Variants in SH3PXD2A observed in about 807,000 individuals in gnomAD.
SH3PXD2A encodes SH3 and PX domain-containing protein 2A.
Under a neutral mutation model 115.2 loss-of-function variants are expected in SH3PXD2A, and 32 were observed. The observed-to-expected ratio is 0.28, with a 90% CI of 0.21 to 0.37. SH3PXD2A has a LOEUF of 0.37. Ranked by LOEUF, SH3PXD2A falls within the 10% of genes least tolerant of loss-of-function variation. The probability of loss-of-function intolerance (pLI) is 1.00; values close to 1 mark genes in which losing one functional copy is unlikely to be tolerated. For synonymous variants in SH3PXD2A, 610 were observed against 629.1 expected, an observed-to-expected ratio of 0.97 and a Z score of 0.45; for missense variants, 1,328 against 1,498.7, an observed-to-expected ratio of 0.89 and a Z score of 1.88.
intron 3 of SH3PXD2A, among the ~76,000 whole-genome samples, chr10:103,739,091 G>A (rs2038414453): frequency 6.6e-6 from 1 of 152,136 alleles, no homozygotes; most frequent in South Asian, 2.1e-4. Context: ...ACTAGTTAAG[G>A]AGCACTGAGG....
chr10:103,779,277 G>T (rs556994171), intron 2 of SH3PXD2A, among the ~76,000 whole-genome samples: 25 of 152,212 alleles, frequency 1.6e-4, no homozygotes, highest in African/African-American at 5.5e-4. Flanking sequence ...CATGTTGGCC[G>T]GGCTGGTCTC....
At chr10:103,831,149 T>A (rs1230084441) in intron 1 of SH3PXD2A, among the ~76,000 whole-genome samples, 1 of 152,270 alleles carries the variant, frequency 6.6e-6, no homozygotes, top group Admixed American at 6.5e-5. Context: ...GATATTTCCA[T>A]AAATAATATT....
intron 13 of SH3PXD2A, among the ~76,000 whole-genome samples, chr10:103,607,162 T>G (rs2036325988): frequency 1.4e-5 from 2 of 138,712 alleles, no homozygotes; most frequent in African/African-American, 5.6e-5. Flanking sequence ...GTCTGGGATG[T>G]GAGGAGCGCC....
intron 8 of SH3PXD2A, among the ~76,000 whole-genome samples, chr10:103,634,562 T>C (rs2036836539): frequency 6.6e-6 from 1 of 152,146 alleles, no homozygotes; most frequent in Non-Finnish European, 1.5e-5. Context: ...GGTACAGGTC[T>C]GTTGCATGCA....
chr10:103,669,030 C>G (rs532761040), intron 6 of SH3PXD2A, among the ~76,000 whole-genome samples: 2 of 152,230 alleles, frequency 1.3e-5, no homozygotes, highest in Non-Finnish European at 2.9e-5. Context: ...CCCACGGGGC[C>G]TGATGGTTGC....
chr10:103,636,964 C>T (rs939522720), intron 8 of SH3PXD2A, among the ~76,000 whole-genome samples: 1 of 152,234 alleles, frequency 6.6e-6, no homozygotes, highest in African/African-American at 2.4e-5. Flanking sequence ...CTGAGCCTCA[C>T]TGGCACACCA....
At chr10:103,770,073 C>A (rs2038801966) in intron 2 of SH3PXD2A, among the ~76,000 whole-genome samples, 1 of 152,194 alleles carries the variant, frequency 6.6e-6, no homozygotes, top group African/African-American at 2.4e-5. Flanking sequence ...CACTCATAAT[C>A]TCTCTCCCTG....
At chr10:103,835,299 G>A (rs2039526195) in intron 1 of SH3PXD2A, among the ~76,000 whole-genome samples, 2 of 152,224 alleles carry the variant, frequency 1.3e-5, no homozygotes, top group South Asian at 4.1e-4. Flanking sequence ...AGCTCGCAGG[G>A]GTGGGAGCAG....
rs188273770 is a variant in SH3PXD2A at position 103,685,408 on chromosome 10, C to T, written c.427+7620G>A. ...ACCTGGGGCAAGTTCCTTAACTTCC[C>T]TTTCCTGGTCTATAAAATGGGACAA... On this transcript the variant is annotated intron_variant, in intron 6 of 14. Transcript: ENST00000369774. Among the ~76,000 whole-genome samples the T allele has an allele frequency of 2.4e-3, 360 of 151,640 alleles. 1 individual carries two copies. The highest frequency in any genetic ancestry group is 8.0e-3 in the African/African-American group (329 of 41,328).
At chr10:103,698,678 C>A (rs1017984088) in intron 5 of SH3PXD2A, among the ~76,000 whole-genome samples, 5 of 152,148 alleles carry the variant, frequency 3.3e-5, no homozygotes, top group African/African-American at 1.2e-4. Context: ...TAAGCTCTCG[C>A]TGTAGGCAAC....
intron 6 of SH3PXD2A, among the ~76,000 whole-genome samples, chr10:103,680,032 T>G: frequency 6.6e-6 from 1 of 152,012 alleles, no homozygotes. Flanking sequence ...CAGGCTGGAG[T>G]GCAATGGCGC....
chr10:103,766,605 C>T (rs1386382170), intron 3 of SH3PXD2A, among the ~76,000 whole-genome samples: 2 of 152,170 alleles, frequency 1.3e-5, no homozygotes, highest in African/African-American at 4.8e-5. Context: ...GAGAAGTTTT[C>T]CTCTAAATTA....
At chr10:103,650,124 C>T (rs1000938599) in intron 8 of SH3PXD2A, among the ~76,000 whole-genome samples, 1 of 151,906 alleles carries the variant, frequency 6.6e-6, no homozygotes, top group Admixed American at 6.5e-5. Context: ...GCTCCAGGCT[C>T]TAGCCCTAGT....
intron 5 of SH3PXD2A, among the ~76,000 whole-genome samples, chr10:103,723,595 T>C (rs887729594): frequency 3.9e-5 from 6 of 152,148 alleles, no homozygotes; most frequent in African/African-American, 1.4e-4. Context: ...CATGGAAACA[T>C]TAGCCAGCAC....
At chr10:103,854,290 G>A (rs1309418465) in intron 1 of SH3PXD2A, among the ~76,000 whole-genome samples, 1 of 152,198 alleles carries the variant, frequency 6.6e-6, no homozygotes, top group Non-Finnish European at 1.5e-5. Context: ...ATAACATGCA[G>A]TCCTCTGTGC....
chr10:103,848,232 C>T (rs1283059252), intron 1 of SH3PXD2A, among the ~76,000 whole-genome samples: 1 of 152,116 alleles, frequency 6.6e-6, no homozygotes, highest in Non-Finnish European at 1.5e-5. Flanking sequence ...TCCTCCTCAA[C>T]CCTTCCTCCC....
intron 2 of SH3PXD2A, among the ~76,000 whole-genome samples, chr10:103,792,190 A>G (rs2039042665): frequency 6.6e-6 from 1 of 152,242 alleles, no homozygotes; most frequent in Non-Finnish European, 1.5e-5. Context: ...AGGAGCAAGG[A>G]AAAGCTGTCA....
At chr10:103,744,827 T>C (rs181301129) in intron 3 of SH3PXD2A, among the ~76,000 whole-genome samples, 90 of 152,310 alleles carry the variant, frequency 5.9e-4, no homozygotes, top group Non-Finnish European at 9.8e-4. Flanking sequence ...CCCATGAATC[T>C]CTCTTTAGAG....
At chr10:103,839,895 C>T (rs577307626) in intron 1 of SH3PXD2A, among the ~76,000 whole-genome samples, 3 of 152,214 alleles carry the variant, frequency 2.0e-5, no homozygotes, top group African/African-American at 4.8e-5. Flanking sequence ...ACTACAGGGC[C>T]GGAGAGGACA....
Sources: allele counts gnomAD v4.1 joint callset (sites outside exome capture counted in the v4.1 genomes callset), GRCh38; gene constraint gnomAD v4.1.1; transcripts MANE v1.5; gene names NCBI Gene and HGNC (gene_info 2026-07-23, HGNC 2026-07-21).